UBE3D: variants seen among roughly 807,000 people sequenced by gnomAD.
UBE3D encodes the protein ubiquitin protein ligase E3D, also known as E3 ubiquitin-protein ligase E3D.
In UBE3D, 48 loss-of-function variants were observed where a neutral mutation model predicts 49.6. The observed-to-expected ratio is 0.97, with a 90% CI of 0.77 to 1.23. The LOEUF is 1.23. Among genes scored for constraint, UBE3D ranks in the 50% most tolerant of loss-of-function variants. The pLI, the probability that UBE3D is intolerant of heterozygous loss-of-function variation, is 0.00. For synonymous variants in UBE3D, 189 were observed against 174.2 expected, an observed-to-expected ratio of 1.08 and a Z score of -0.67; for missense variants, 452 against 468.4, an observed-to-expected ratio of 0.96 and a Z score of 0.32.
chr6:82,924,085 G>A (rs142367324), intron 9 of UBE3D, among the ~76,000 whole-genome samples: 262 of 150,514 alleles, frequency 1.7e-3, no homozygotes, highest in African/African-American at 4.6e-3. Flanking sequence ...CACAAGCAGC[G>A]TATAAATAAA....
At chr6:82,940,086 G>A (rs548543253) in intron 9 of UBE3D, among the ~76,000 whole-genome samples, 29 of 152,284 alleles carry the variant, frequency 1.9e-4, no homozygotes, top group Admixed American at 4.6e-4. Context: ...TGAAAGATGT[G>A]ATGTGGCAGC....
At chr6:82,991,990 G>A (rs901963515) in intron 8 of UBE3D, among the ~76,000 whole-genome samples, 2 of 148,692 alleles carry the variant, frequency 1.3e-5, no homozygotes, top group Non-Finnish European at 3.0e-5. Context: ...AGATCTTCAT[G>A]TAAAACAAAA....
In UBE3D at chr6:83,019,095, CA is replaced by C. The variant is rs1182216790; in HGVS notation, c.887del (p.Leu296Ter). Reference sequence around the variant, plus strand: ...ATTTTTTGATATATTTGGAATTTCTCAAAGATTCAATCACCAAACTGTCTGA... The same window carrying C: ...ATTTTTTGATATATTTGGAATTTCTCAAGATTCAATCACCAAACTGTCTGA... ...LNSDSLVIESLRNSKYIKKFP... is the reference protein window; with the variant it reads ...LNSDSLVIESXRNSKYIKKFP... On this transcript the variant is annotated frameshift_variant, in exon 8 of 10. Transcript: ENST00000369747. LOFTEE classifies it high-confidence loss of function. 1.2e-6 allele frequency: 2 copies of C among 1,613,514 alleles called. No individual in the cohort carries two copies. Among genetic ancestry groups the C allele is most frequent in the Non-Finnish European group, 1.7e-6 (2 of 1,179,826 alleles).
intron 9 of UBE3D, among the ~76,000 whole-genome samples, chr6:82,899,712 C>T (rs1771589804): frequency 6.6e-6 from 1 of 152,122 alleles, no homozygotes. Flanking sequence ...GCAAGTAGGT[C>T]CTACATGTGA....
At chr6:83,008,534 T>C (rs1249709375) in intron 8 of UBE3D, among the ~76,000 whole-genome samples, 3 of 152,086 alleles carry the variant, frequency 2.0e-5, no homozygotes, top group Admixed American at 1.3e-4. Context: ...CTTCAAAGTG[T>C]TGAGAGAGAT....
intron 9 of UBE3D, among the ~76,000 whole-genome samples, chr6:82,908,964 C>T (rs1452569925): frequency 6.6e-6 from 1 of 152,180 alleles, no homozygotes; most frequent in Non-Finnish European, 1.5e-5. Context: ...CTCAGCATTT[C>T]ACTTGCCCCT....
intron 5 of UBE3D, among the ~76,000 whole-genome samples, 166 bp from the exon 6 acceptor site, chr6:83,024,204 A>G (rs967173772): frequency 6.6e-6 from 1 of 152,206 alleles, no homozygotes. Flanking sequence ...AAGACAAAGC[A>G]TTGGTCACTA....
intron 8 of UBE3D, among the ~76,000 whole-genome samples, chr6:82,971,951 T>A (rs1305160658): frequency 6.6e-6 from 1 of 152,182 alleles, no homozygotes; most frequent in Non-Finnish European, 1.5e-5. Context: ...AACAAATAGG[T>A]TCTCTTCATT....
chr6:82,951,392 C>G (rs1404713903), intron 9 of UBE3D, among the ~76,000 whole-genome samples: 1 of 152,170 alleles, frequency 6.6e-6, no homozygotes, highest in Non-Finnish European at 1.5e-5. Context: ...TAGCCTGGAG[C>G]AGCTGGTTGG....
At chr6:82,934,927 CAT>C (rs1376491399) in intron 9 of UBE3D, among the ~76,000 whole-genome samples, 8 of 26,948 alleles carry the variant, frequency 3.0e-4, no homozygotes, top group South Asian at 1.7e-3. Flanking sequence ...TTACAAATCA[CAT>C]ATATATATAT....
At chr6:83,038,643 T>C (rs1782439020) in intron 4 of UBE3D, among the ~76,000 whole-genome samples, 158 bp from the exon 5 acceptor site, 2 of 152,244 alleles carry the variant, frequency 1.3e-5, no homozygotes, top group South Asian at 4.1e-4. Context: ...ATAATTCACA[T>C]GCACAGAGAA....
intron 8 of UBE3D, among the ~76,000 whole-genome samples, chr6:82,994,501 C>A (rs1269926481): frequency 1.3e-5 from 2 of 152,046 alleles, no homozygotes; most frequent in Admixed American, 6.6e-5. Flanking sequence ...TAATACTAAT[C>A]CAAGGAGATA....
chr6:82,894,749 G>T (rs563008469), intron 9 of UBE3D, among the ~76,000 whole-genome samples: 2 of 152,264 alleles, frequency 1.3e-5, no homozygotes, highest in South Asian at 4.1e-4. Context: ...GACAGAGGAA[G>T]GAAGACCAGA....
At chr6:82,986,470 CAAAAAAAAAAA>C (rs58841514) in intron 8 of UBE3D, among the ~76,000 whole-genome samples, 2 of 34,866 alleles carry the variant, frequency 5.7e-5, no homozygotes, top group Non-Finnish European at 1.1e-4. Flanking sequence ...CACTCTGTCT[CAAAAAAAAAAA>C]AAAAAAAAAA....
intron 8 of UBE3D, among the ~76,000 whole-genome samples, chr6:83,010,734 T>C (rs12201443): frequency 0.65 from 98,691 of 152,030 alleles, 32,943 homozygotes; most frequent in East Asian, 0.78. Flanking sequence ...GCATCCAGCA[T>C]AGGAGAAGGA....
chr6:83,013,917 T>C (rs1385265753), intron 8 of UBE3D, among the ~76,000 whole-genome samples: 1 of 152,088 alleles, frequency 6.6e-6, no homozygotes, highest in Non-Finnish European at 1.5e-5. Flanking sequence ...TCTCTCCAAA[T>C]AGGATTATGA....
At chr6:83,030,645 G>A (rs746147009) in intron 5 of UBE3D, among the ~76,000 whole-genome samples, 11 of 152,194 alleles carry the variant, frequency 7.2e-5, no homozygotes, top group African/African-American at 2.7e-4. Flanking sequence ...ACTGGAAAAT[G>A]TGGAAGCGAC....
chr6:83,036,556 T>G (rs944814607), intron 5 of UBE3D: 3 of 152,198 alleles, frequency 2.0e-5, no homozygotes, highest in Admixed American at 1.3e-4. Flanking sequence ...ATTTGCTTGC[T>G]TAATCATTTA....
At chr6:83,009,722 G>C (rs1455419644) in intron 8 of UBE3D, among the ~76,000 whole-genome samples, 1 of 138,686 alleles carries the variant, frequency 7.2e-6, no homozygotes, top group Non-Finnish European at 1.5e-5. Context: ...AGGATAAAAA[G>C]AAAATCCTAA....
Sources: allele counts gnomAD v4.1 joint callset (sites outside exome capture counted in the v4.1 genomes callset), GRCh38; gene constraint gnomAD v4.1.1; transcripts MANE v1.5; gene names NCBI Gene and HGNC (gene_info 2026-07-23, HGNC 2026-07-21).